Variants in IARS1 observed in about 807,000 individuals in gnomAD.
IARS1 encodes isoleucyl-tRNA synthetase 1, also known as isoleucine--tRNA ligase, cytoplasmic.
Under a neutral mutation model 168.2 loss-of-function variants are expected in IARS1, and 124 were observed. The observed-to-expected ratio is 0.74, with a 90% CI of 0.64 to 0.86. IARS1 has a LOEUF of 0.86. Among genes scored for constraint, IARS1 ranks in the 40% least tolerant of loss-of-function variants. The probability of loss-of-function intolerance (pLI) is 0.00; values close to 1 mark genes in which losing one functional copy is unlikely to be tolerated. For missense variants in IARS1, 1,452 were observed against 1,515.8 expected (o/e 0.96, Z 0.70); for synonymous variants, 532 against 529.4 (o/e 1.00, Z -0.07).
At chr9:92,288,087 A>T (rs972470415) in intron 3 of IARS1, 39 bp downstream of exon 3, 2 of 1,588,178 alleles carry the variant, frequency 1.3e-6, no homozygotes, top group African/African-American at 2.7e-5. Context: ...TGCTTATAAA[A>T]AAAATCAGAA....
intron 30 of IARS1, 37 bp downstream of exon 30, chr9:92,240,819 A>G (rs774527491): frequency 7.8e-7 from 1 of 1,280,604 alleles, no homozygotes; most frequent in Non-Finnish European, 1.1e-6. Flanking sequence ...AAGTATAACT[A>G]AAAAAAAGTC....
Position 92,265,060 on chromosome 9 carries a change from C to G in IARS1, c.1569G>C (p.Val523=), listed in dbSNP as rs372360060. 1.8e-3 allele frequency: 2,859 copies of G among 1,614,148 alleles called. 62 individuals carry two copies. The South Asian group carries it at 0.03, about 17-fold the overall frequency. ...GKGSLHRISE[V]FDCWFESGSM... ...TGCCACTCTCAAACCAACAGTCAAA[C>G]ACTTCAGAGATGCGGTGCAAGGATC... is the stretch of plus-strand genomic sequence containing the variant. Residue 523 remains valine, a synonymous_variant, in exon 16 of 34, where the codon GTG becomes GTC. Transcript: ENST00000443024.
intron 13 of IARS1, 44 bp downstream of exon 13, chr9:92,269,841 C>A: frequency 7.6e-7 from 1 of 1,318,806 alleles, no homozygotes; most frequent in South Asian, 1.2e-5. Context: ...ACTTACTAAC[C>A]ACATGACAAA....
intron 13 of IARS1, among the ~76,000 whole-genome samples, chr9:92,268,807 ATGCCTGCCCTCTGACACGCAGCC>A (rs370672174): frequency 6.7e-4 from 102 of 152,240 alleles, no homozygotes; most frequent in South Asian, 2.1e-3. Flanking sequence ...GGCTTTGCCC[ATGCCTGCCCTCTGACACGCAGCC>A]TGCCTGCCCT....
At chr9:92,251,676 GTGTTA>G (rs1830025319) in intron 22 of IARS1, 127 bp downstream of exon 22, 1 of 641,938 alleles carries the variant, frequency 1.6e-6, no homozygotes, top group Non-Finnish European at 2.8e-6. Context: ...GAGCTATAAG[GTGTTA>G]TAAAACTTCT....
In IARS1 at chr9:92,289,413, G is replaced by C; in HGVS notation, c.7C>G (p.Gln3Glu). The C allele has an allele frequency of 6.8e-7, 1 of 1,472,226 alleles. No individual in the cohort carries two copies. The highest frequency in any genetic ancestry group is 9.5e-7 in the Non-Finnish European group (1 of 1,054,322). 91.2% of individuals were successfully genotyped at this position (1,472,226 alleles called of 1,614,324 possible). The change falls in exon 2 of 34, where the codon CAA becomes GAA. Residue 3 changes from glutamine (Q) to glutamate (E), a missense_variant. Physicochemically the swap from Gln to Glu is conservative, Grantham distance 29. Coordinates refer to ENST00000443024, the MANE Select transcript of IARS1 (RefSeq NM_002161.6). ...AAATTTATGTTTTCTGGAACTTGTT[G>C]AAGCATTTTGTTGCTGCAAAAGAAA... ML[Q>E]QVPENINFPA...
chr9:92,242,540 G>A, intron 28 of IARS1: 1 of 537,132 alleles, frequency 1.9e-6, no homozygotes. Context: ...TGGGGGATAG[G>A]GCATGTTTCT....
At chr9:92,252,309 A>C in intron 21 of IARS1, 1 of 468,314 alleles carries the variant, frequency 2.1e-6, no homozygotes. Context: ...AATTCATTGA[A>C]ATTTTTTCAT....
intron 6 of IARS1, among the ~76,000 whole-genome samples, chr9:92,282,033 C>T (rs1248537268): frequency 6.6e-6 from 1 of 152,124 alleles, no homozygotes; most frequent in Admixed American, 6.6e-5. Context: ...CCAATAAGAT[C>T]TACACATGAG....
At chr9:92,290,843 C>T (rs897377379) in intron 1 of IARS1, among the ~76,000 whole-genome samples, 4 of 152,108 alleles carry the variant, frequency 2.6e-5, no homozygotes, top group Admixed American at 1.3e-4. Context: ...TACCTACACT[C>T]ACATGACAGA....
In IARS1 at chr9:92,287,892, T is replaced by C. The variant is rs1203401128; in HGVS notation, c.295A>G (p.Thr99Ala). Reference sequence around the variant, plus strand: ...TCCTCTGGTCCTCTGATTCCCAGTGTCTTATCAATTTCATATTCCTGAAAA... The same window carrying C: ...TCCTCTGGTCCTCTGATTCCCAGTGCCTTATCAATTTCATATTCCTGAAAA... ...GLPVEYEIDK[T>A]LGIRGPEDVA... The change falls in exon 4 of 34, where the codon ACA (threonine) becomes GCA (alanine). Residue 99 changes from threonine (T) to alanine (A), a missense_variant. Transcript: ENST00000443024. 2 of 1,613,972 alleles carry C rather than the reference T, an allele frequency of 1.2e-6. No individual in the cohort carries two copies.
intron 13 of IARS1, among the ~76,000 whole-genome samples, chr9:92,269,104 T>A (rs1383329849): frequency 1.3e-5 from 2 of 152,126 alleles, no homozygotes; most frequent in Non-Finnish European, 2.9e-5. Flanking sequence ...GGGGAACTAA[T>A]TAGCTTACTA....
Position 92,286,638 on chromosome 9 carries a change from G to A in IARS1, c.397-20C>T. ...AGTAGACTTTAAAATATTAATATTA[G>A]AACAGTATTAGACAATGATATTTAT... On this transcript the variant is annotated intron_variant, in intron 4 of 33. Transcript: ENST00000443024. The A allele has an allele frequency of 8.0e-7, 1 of 1,256,578 alleles. No homozygotes were observed. Among genetic ancestry groups the A allele is most frequent in the Non-Finnish European group, 1.2e-6 (1 of 857,656 alleles). 77.8% of individuals were successfully genotyped at this position (1,256,578 alleles called of 1,614,324 possible).
chr9:92,280,966 C>T (rs1834464467), intron 6 of IARS1, 73 bp from the exon 7 acceptor site: 2 of 971,800 alleles, frequency 2.1e-6, no homozygotes, highest in African/African-American at 1.7e-5. Context: ...GGAACTACTC[C>T]TAAAGAGGAA....
Position 92,245,076 on chromosome 9 carries a change from G to A in IARS1, c.2792-5C>T. 1.4e-5 allele frequency: 22 copies of A among 1,612,264 alleles called. No homozygotes were observed. The highest frequency in any genetic ancestry group is 1.8e-5 in the Non-Finnish European group (21 of 1,178,356). ...GGCCTTCCACAACAATGGTCCCTAT[G>A]GAGAAGCAGCTACACTGTTAATCAG... On this transcript the variant is annotated splice_region_variant and splice_polypyrimidine_tract_variant and intron_variant, in intron 26 of 33. Transcript: ENST00000443024.
intron 30 of IARS1, among the ~76,000 whole-genome samples, chr9:92,236,230 C>A (rs910255744): frequency 6.6e-6 from 1 of 152,116 alleles, no homozygotes; most frequent in Non-Finnish European, 1.5e-5. Context: ...GTGACCCACC[C>A]GCCTTGGCCT....
chr9:92,281,397 G>C (rs1236290397), intron 6 of IARS1, among the ~76,000 whole-genome samples: 1 of 152,078 alleles, frequency 6.6e-6, no homozygotes, highest in Non-Finnish European at 1.5e-5. Context: ...GCCTCCCAAA[G>C]TGCTGGGATT....
intron 19 of IARS1, among the ~76,000 whole-genome samples, chr9:92,257,681 G>T (rs544300050): frequency 6.6e-6 from 1 of 152,200 alleles, no homozygotes; most frequent in Non-Finnish European, 1.5e-5. Flanking sequence ...AGAGCCCAAG[G>T]GGAGCAGAAG....
intron 12 of IARS1, among the ~76,000 whole-genome samples, chr9:92,270,767 G>A (rs914452270): frequency 1.3e-5 from 2 of 152,120 alleles, no homozygotes; most frequent in Non-Finnish European, 2.9e-5. Context: ...CTGCATTCCA[G>A]CCTGGGCGTC....
Sources: allele counts gnomAD v4.1 joint callset (sites outside exome capture counted in the v4.1 genomes callset), GRCh38; gene constraint gnomAD v4.1.1; transcripts MANE v1.5; gene names NCBI Gene and HGNC (gene_info 2026-07-23, HGNC 2026-07-21).